SEPTIN8: variants seen among roughly 807,000 people sequenced by gnomAD.
SEPTIN8 encodes septin 8.
In SEPTIN8, 22 loss-of-function variants were observed where a neutral mutation model predicts 53.1. That is an observed-to-expected ratio of 0.41 (90% CI 0.30 to 0.59). The LOEUF is 0.59. Ranked by LOEUF, SEPTIN8 falls within the 20% of genes least tolerant of loss-of-function variation. The pLI is 0.24. For missense variants in SEPTIN8, 536 were observed against 638.7 expected, an observed-to-expected ratio of 0.84 and a Z score of 1.73; for synonymous variants, 228 against 248.4, an observed-to-expected ratio of 0.92 and a Z score of 0.77.
intron 1 of SEPTIN8, among the ~76,000 whole-genome samples, chr5:132,768,441 C>T (rs1756852245): frequency 6.6e-6 from 1 of 152,228 alleles, no homozygotes; most frequent in Non-Finnish European, 1.5e-5. Flanking sequence ...CTAATGCCAA[C>T]TCCCTGATCA....
At chr5:132,770,803 A>T (rs927798889) in intron 1 of SEPTIN8, among the ~76,000 whole-genome samples, 2 of 152,200 alleles carry the variant, frequency 1.3e-5, no homozygotes, top group African/African-American at 4.8e-5. Context: ...GTGCTCACAC[A>T]GGGGTGAGCG....
At chr5:132,767,261 A>C (rs1756694135) in intron 1 of SEPTIN8, among the ~76,000 whole-genome samples, 2 of 152,200 alleles carry the variant, frequency 1.3e-5, no homozygotes, top group African/African-American at 2.4e-5. Context: ...TAGTTAATGA[A>C]GCCTAGGAGG....
At chr5:132,777,284 G>T, upstream of SEPTIN8, 1 of 1,105,200 alleles carries the variant, frequency 9.0e-7, no homozygotes, top group Middle Eastern at 3.3e-4. The surrounding 1 kb of genome is among the most constrained non-coding windows in gnomAD (Gnocchi z 4.1). Context: ...TGGCGGCGGC[G>T]GCGGGAGAAG....
intron 9 of SEPTIN8, chr5:132,753,017 C>T (rs758888109): frequency 6.9e-7 from 1 of 1,451,302 alleles, no homozygotes; most frequent in South Asian, 1.1e-5. Flanking sequence ...TGTGAAACCT[C>T]CTTGCTTGGA....
At position 132,761,834 on chromosome 5, in the gene SEPTIN8, G is replaced by A. The variant is rs2149970898; in HGVS notation, c.759C>T (p.Val253=). 1.2e-6 allele frequency: 2 copies of A among 1,608,970 alleles called. No homozygotes were observed. The highest frequency in any genetic ancestry group is 1.7e-6 in the Non-Finnish European group (2 of 1,177,748). ...TEEVKVGNKL[V]RARQYPWGVV... ...CTCCCCAGGGGTACTGCCGTGCTCG[G>A]ACCAGCTTGTTCCCCACCTTCACCT... Residue 253 remains valine (V), a synonymous_variant, in exon 6 of 10, where the codon GTC becomes GTT. Coordinates refer to ENST00000378719, the MANE Select transcript of SEPTIN8 (RefSeq NM_001098811.2). The surrounding 1 kb of genome is among the most constrained non-coding windows in gnomAD (Gnocchi z 5.8).
chr5:132,776,848 TC>T lies in SEPTIN8; in HGVS notation c.30+259del, dbSNP rs1317780850. Among the ~76,000 whole-genome samples, 1 of 151,918 alleles carries T rather than the reference TC, an allele frequency of 6.6e-6. No homozygotes were observed. Among genetic ancestry groups the T allele is most frequent in the African/African-American group, 2.4e-5 (1 of 41,364 alleles). On this transcript the variant is annotated intron_variant, in intron 1 of 9. Transcript: ENST00000378719. The surrounding 1 kb of genome is among the most constrained non-coding windows in gnomAD (Gnocchi z 4.4). The stretch of plus-strand genomic sequence containing the variant: ...TGCCCGGAGCCAGGCGGGTCTTTGC[TC>T]CTTCCCGCGAAAGGGGTTAGCCTTG...
At chr5:132,764,105 GA>G in intron 3 of SEPTIN8, 118 bp downstream of exon 3, 1 of 1,138,632 alleles carries the variant, frequency 8.8e-7, no homozygotes, top group Non-Finnish European at 1.2e-6. Context: ...CAGAGCCTCA[GA>G]TATTCCCCAA....
chr5:132,763,938 G>T (rs1194594972), intron 3 of SEPTIN8, 46 bp from the exon 4 acceptor site: 1 of 1,500,758 alleles, frequency 6.7e-7, no homozygotes, highest in East Asian at 2.3e-5. Flanking sequence ...TGAGATCAGG[G>T]GCTTGGGGCT....
intron 9 of SEPTIN8, chr5:132,758,005 G>C: frequency 2.0e-6 from 2 of 988,882 alleles, no homozygotes; most frequent in Non-Finnish European, 2.4e-6. Flanking sequence ...CACACATGGA[G>C]TTGGTCCCTG....
upstream of SEPTIN8, chr5:132,777,937 G>GC: frequency 3.0e-6 from 3 of 985,490 alleles, no homozygotes; most frequent in East Asian, 1.1e-4. The surrounding 1 kb of genome is among the most constrained non-coding windows in gnomAD (Gnocchi z 4.1). Context: ...GCGTCAGATT[G>GC]CAAGTGTCCA....
chr5:132,755,265 C>T (rs941874192), intron 9 of SEPTIN8, among the ~76,000 whole-genome samples: 1 of 152,200 alleles, frequency 6.6e-6, no homozygotes, highest in Non-Finnish European at 1.5e-5. Context: ...AACCCACATA[C>T]TTTTTATCAC....
chr5:132,778,511 A>G (rs763342329), upstream of SEPTIN8, among the ~76,000 whole-genome samples: 8 of 151,966 alleles, frequency 5.3e-5, no homozygotes. Flanking sequence ...CTTCCTGACA[A>G]TGTTTTCACT....
chr5:132,779,381 T>C (rs1350953046), upstream of SEPTIN8, among the ~76,000 whole-genome samples: 1 of 152,230 alleles, frequency 6.6e-6, no homozygotes, highest in Non-Finnish European at 1.5e-5. Context: ...CTGAGTTCCA[T>C]ACACAGACAG....
chr5:132,769,986 T>C (rs1024872166), intron 1 of SEPTIN8, among the ~76,000 whole-genome samples: 278 of 16,900 alleles, frequency 0.016, 3 homozygotes, highest in Non-Finnish European at 0.025. Context: ...TATATACATA[T>C]ATATATATAT....
intron 9 of SEPTIN8, chr5:132,757,802 G>C: frequency 2.0e-6 from 2 of 985,444 alleles, no homozygotes; most frequent in South Asian, 9.4e-5. Flanking sequence ...AGCTGAAGGG[G>C]AAAGCTCCTT....
chr5:132,762,601 C>T lies in SEPTIN8; in HGVS notation c.579G>A (p.Lys193=), dbSNP rs1467803447. 3 of 1,614,134 alleles carry T rather than the reference C, an allele frequency of 1.9e-6. No individual in the cohort carries two copies. Among genetic ancestry groups the T allele is most frequent in the Non-Finnish European group, 2.5e-6 (3 of 1,180,052 alleles). The change falls in exon 5 of 10, where the codon AAG becomes AAA. Residue 193 remains lysine (K), a synonymous_variant. Transcript: ENST00000378719. ...PIIAKADTIS[K]SELHKFKIKI... The stretch of plus-strand genomic sequence containing the variant: ...TGATCTTGAACTTGTGGAGCTCGCT[C>T]TTGGAGATGGTGTCAGCCTTGGCGA...
At chr5:132,758,624 G>A in intron 9 of SEPTIN8, 2 of 1,596,230 alleles carry the variant, frequency 1.3e-6, no homozygotes, top group Non-Finnish European at 1.7e-6. Flanking sequence ...TGCATAGAGA[G>A]GGGTGGCCCG....
intron 9 of SEPTIN8, chr5:132,756,304 G>T: frequency 1.0e-6 from 1 of 984,110 alleles, no homozygotes; most frequent in Non-Finnish European, 1.2e-6. Flanking sequence ...CCTGGGACAG[G>T]TCTGGTTTAT....
chr5:132,771,120 G>A lies in SEPTIN8; in HGVS notation c.31-5591C>T, dbSNP rs571405725. The stretch of plus-strand genomic sequence containing the variant: ...CCCTTTTCCTGATAGGAAATGCTCT[G>A]TCTGAGCCTCCTAGAGCAGCCCTCA... On this transcript the variant is annotated intron_variant, in intron 1 of 9. Transcript: ENST00000378719. 8.5e-5 allele frequency among the ~76,000 whole-genome samples: 13 copies of A among 152,324 alleles called. No individual in the cohort carries two copies. In the South Asian group the frequency reaches 2.7e-3, roughly 32 times the overall value.
Sources: allele counts gnomAD v4.1 joint callset (sites outside exome capture counted in the v4.1 genomes callset), GRCh38; gene constraint gnomAD v4.1.1; non-coding constraint Gnocchi (gnomAD v3.1); transcripts MANE v1.5; gene names NCBI Gene and HGNC (gene_info 2026-07-23, HGNC 2026-07-21).